Variants in DHX36 observed in about 807,000 individuals in gnomAD.
DHX36 encodes ATP-dependent DNA/RNA helicase DHX36.
In DHX36, 50 loss-of-function variants were observed where a neutral mutation model predicts 139.0. The ratio of observed to expected loss-of-function variants is 0.36; its 90% CI spans 0.29 to 0.46. The LOEUF is 0.46. Ranked by LOEUF, DHX36 falls within the 20% of genes least tolerant of loss-of-function variation. The probability of loss-of-function intolerance (pLI) is 1.00; values close to 1 mark genes in which losing one functional copy is unlikely to be tolerated. For synonymous variants in DHX36, 425 were observed against 401.9 expected (o/e 1.06, Z -0.69); for missense variants, 1,024 against 1,211.3 (o/e 0.85, Z 2.29).
In DHX36 at chr3:154,315,166, T is replaced by C. The variant is rs767726587; in HGVS notation, c.483A>G (p.Ser161=). 39 of 1,613,484 alleles carry C rather than the reference T, an allele frequency of 2.4e-5. No individual in the cohort carries two copies. Among genetic ancestry groups the C allele is most frequent in the Admixed American group, 3.3e-5 (2 of 59,990 alleles). The stretch of plus-strand genomic sequence containing the variant: ...GATACTCAGAATCTCGGTCAATATA[T>C]GATCTGTTCCTGATTCTAAACATTT... ...EKKMFRIRNR[S]YIDRDSEYLL... is the part of the protein sequence containing the mutation. The change falls in exon 3 of 25, where the codon TCA becomes TCG. Residue 161 remains serine (S), a synonymous_variant. Transcript: ENST00000496811.
intron 1 of DHX36, among the ~76,000 whole-genome samples, chr3:154,322,506 A>G (rs1419248789): frequency 6.6e-6 from 1 of 152,234 alleles, no homozygotes; most frequent in Non-Finnish European, 1.5e-5. Flanking sequence ...ATTGGGATAT[A>G]TTAACAAGGC....
intron 17 of DHX36, among the ~76,000 whole-genome samples, chr3:154,286,361 T>C (rs890188874): frequency 1.3e-5 from 2 of 151,608 alleles, no homozygotes; most frequent in African/African-American, 2.4e-5. Context: ...TGATAATATA[T>C]GCAGAAAAAA....
intron 13 of DHX36, 61 bp from the exon 14 acceptor site, chr3:154,293,873 T>C: frequency 8.1e-7 from 1 of 1,229,982 alleles, no homozygotes; most frequent in South Asian, 1.3e-5. Flanking sequence ...ATTATATTTG[T>C]AATTAGAGGA....
chr3:154,310,860 CAT>C (rs1451876705), intron 4 of DHX36, among the ~76,000 whole-genome samples: 1 of 93,164 alleles, frequency 1.1e-5, no homozygotes, highest in African/African-American at 4.1e-5. Flanking sequence ...TATGTATATA[CAT>C]ATATATATAT....
chr3:154,293,398 T>C (rs1439637840), intron 14 of DHX36, among the ~76,000 whole-genome samples: 2 of 152,064 alleles, frequency 1.3e-5, no homozygotes, highest in African/African-American at 4.8e-5. Flanking sequence ...CTGGGCAACA[T>C]AGTGAGACTC....
Position 154,276,045 on chromosome 3 carries a change from C to T in DHX36, c.*126G>A. 1.4e-6 allele frequency: 1 copy of T among 701,238 alleles called. No individual in the cohort carries two copies. Among genetic ancestry groups the T allele is most frequent in the Non-Finnish European group, 2.3e-6 (1 of 427,156 alleles). 43.4% of individuals were successfully genotyped at this position (701,238 alleles called of 1,614,324 possible). Reference sequence around the variant, plus strand: ...GTCATGCACATTAAGTCTTTACTACCTACTGAAGGCTTCTACCTTACACAT... The same window carrying T: ...GTCATGCACATTAAGTCTTTACTACTTACTGAAGGCTTCTACCTTACACAT... On this transcript the variant is annotated 3_prime_UTR_variant, in exon 25 of 25. Transcript: ENST00000496811.
chr3:154,283,344 T>C (rs1719388452), intron 19 of DHX36, 73 bp from the exon 20 acceptor site: 1 of 1,038,358 alleles, frequency 9.6e-7, no homozygotes, highest in East Asian at 2.4e-5. Context: ...CCCTCTTTAC[T>C]TTAGTAAAAG....
chr3:154,300,491 C>A, intron 11 of DHX36, 103 bp downstream of exon 11: 1 of 865,910 alleles, frequency 1.2e-6, no homozygotes, highest in South Asian at 1.6e-5. Flanking sequence ...GTAATTTCTT[C>A]CAGTCTATTT....
chr3:154,305,738 C>T (rs1002357938), intron 6 of DHX36, among the ~76,000 whole-genome samples: 8 of 152,148 alleles, frequency 5.3e-5, no homozygotes, highest in Non-Finnish European at 7.3e-5. Context: ...GCACTTCAGC[C>T]AGAGCAACAG....
intron 1 of DHX36, 93 bp from the exon 2 acceptor site, chr3:154,316,256 T>C (rs1712977035): frequency 1.3e-6 from 2 of 1,493,468 alleles, no homozygotes; most frequent in Non-Finnish European, 1.8e-6. Context: ...CTAAGTAATA[T>C]ATGTTCAACA....
rs2108332044 is a variant in DHX36, at chr3:154,280,456, GAAC to G, written c.2567+120_2567+122del. The G allele has an allele frequency of 4.3e-6, 3 of 698,568 alleles. No homozygotes were observed. In the East Asian group the frequency reaches 8.1e-5, roughly 19 times the overall value. 43.3% of individuals were successfully genotyped at this position (698,568 alleles called of 1,614,324 possible). A position where few individuals can be genotyped will look rare whatever the true frequency, so the allele number is the denominator to read the frequency against. On this transcript the variant is annotated intron_variant, in intron 22 of 24. Coordinates refer to ENST00000496811, the MANE Select transcript of DHX36 (RefSeq NM_020865.3). ...TTCACCTTCTCTGAAATGATTAAAA[GAAC>G]AAGAATATAACCCACATATGAATAA...
intron 12 of DHX36, among the ~76,000 whole-genome samples, chr3:154,297,218 G>A (rs1372614128): frequency 1.3e-5 from 2 of 152,176 alleles, no homozygotes; most frequent in African/African-American, 2.4e-5. Context: ...TCAGAAAAAT[G>A]GGAAAATCTG....
intron 13 of DHX36, among the ~76,000 whole-genome samples, chr3:154,294,332 G>A (rs138561243): frequency 1.1e-4 from 17 of 151,892 alleles, no homozygotes; most frequent in African/African-American, 2.9e-4. Context: ...CCCACAACCC[G>A]ACAATGTCAC....
Position 154,292,770 on chromosome 3 carries a change from A to G in DHX36, c.1671-76T>C, listed in dbSNP as rs1035081395. 39 of 1,539,812 alleles carry G rather than the reference A, an allele frequency of 2.5e-5. No homozygotes were observed. In the African/African-American group the frequency reaches 5.2e-4, roughly 21 times the overall value. ...ACACACACACACACACATCGAAAGCACTATTAACCTATAAAAGACCAATAA... is the reference window on the plus strand; with the variant it reads ...ACACACACACACACACATCGAAAGCGCTATTAACCTATAAAAGACCAATAA... On this transcript the variant is annotated intron_variant, in intron 14 of 24. Coordinates refer to ENST00000496811, the MANE Select transcript of DHX36 (RefSeq NM_020865.3).
At chr3:154,278,478 T>A (rs948952671) in intron 22 of DHX36, 1 of 128,624 alleles carries the variant, frequency 7.8e-6, no homozygotes, top group African/African-American at 3.7e-5. Context: ...TCTTTCGAAG[T>A]TTTTTTTTTT....
At chr3:154,312,774 G>A (rs1440354110) in intron 3 of DHX36, among the ~76,000 whole-genome samples, 1 of 146,664 alleles carries the variant, frequency 6.8e-6, no homozygotes, top group South Asian at 2.1e-4. Flanking sequence ...GTTGTGGTGA[G>A]CCGAGATCGT....
intron 12 of DHX36, among the ~76,000 whole-genome samples, chr3:154,297,209 C>T (rs1712079090): frequency 6.6e-6 from 1 of 152,006 alleles, no homozygotes; most frequent in Non-Finnish European, 1.5e-5. Context: ...AGACACTTTT[C>T]AGAAAAATGG....
chr3:154,311,590 T>C, intron 4 of DHX36, 46 bp downstream of exon 4: 1 of 1,525,112 alleles, frequency 6.6e-7, no homozygotes, highest in East Asian at 2.3e-5. Context: ...AAAAATTGTG[T>C]ATTTAATTTG....
chr3:154,306,351 G>T, intron 5 of DHX36, 56 bp from the exon 6 acceptor site: 1 of 1,417,778 alleles, frequency 7.1e-7, no homozygotes, highest in East Asian at 2.3e-5. Flanking sequence ...CAAATATCCT[G>T]AATGTCCATG....
Sources: allele counts gnomAD v4.1 joint callset (sites outside exome capture counted in the v4.1 genomes callset), GRCh38; gene constraint gnomAD v4.1.1; transcripts MANE v1.5; gene names NCBI Gene and HGNC (gene_info 2026-07-23, HGNC 2026-07-21).